The following FGGY variants were observed in gnomAD, a reference collection of about 807,000 sequenced individuals.
The protein encoded by FGGY is FGGY carbohydrate kinase domain-containing protein.
Under a neutral mutation model 71.3 loss-of-function variants are expected in FGGY, and 72 were observed. The ratio of observed to expected loss-of-function variants is 1.01; its 90% CI spans 0.84 to 1.23. The LOEUF is 1.23. Among genes scored for constraint, FGGY ranks in the 50% most tolerant of loss-of-function variants. FGGY has a pLI of 0.00. For missense variants in FGGY, 668 were observed against 682.3 expected (o/e 0.98, Z 0.23); for synonymous variants, 251 against 250.3 (o/e 1.00, Z -0.02).
At chr1:59,756,933 C>G (rs1414011721) in intron 14 of FGGY, among the ~76,000 whole-genome samples, 2 of 145,138 alleles carry the variant, frequency 1.4e-5, no homozygotes, top group Admixed American at 1.4e-4. Flanking sequence ...TCCTCCCTTA[C>G]TAGTATGTGA....
intron 5 of FGGY, among the ~76,000 whole-genome samples, chr1:59,381,136 T>G (rs11585143): frequency 0.41 from 61,749 of 151,776 alleles, 12,617 homozygotes; most frequent in African/African-American, 0.44. Flanking sequence ...GCTCTGTTCT[T>G]TTCCATTGGT....
chr1:59,540,103 C>T (rs548594356), intron 7 of FGGY, among the ~76,000 whole-genome samples: 12 of 152,264 alleles, frequency 7.9e-5, no homozygotes, highest in South Asian at 2.1e-4. Context: ...TAAAATCAAA[C>T]GGTTTGATAA....
chr1:59,669,060 A>G (rs1422484196), intron 13 of FGGY, among the ~76,000 whole-genome samples: 1 of 151,914 alleles, frequency 6.6e-6, no homozygotes, highest in Non-Finnish European at 1.5e-5. Context: ...TATAGAAAGT[A>G]TTACCATTAA....
At chr1:59,498,652 C>G (rs1431344722) in intron 6 of FGGY, among the ~76,000 whole-genome samples, 1 of 152,158 alleles carries the variant, frequency 6.6e-6, no homozygotes, top group Non-Finnish European at 1.5e-5. Flanking sequence ...CTAACAAGTT[C>G]CCAAATGCTG....
At chr1:59,753,102 G>T (rs2098259950) in intron 14 of FGGY, among the ~76,000 whole-genome samples, 1 of 152,128 alleles carries the variant, frequency 6.6e-6, no homozygotes, top group African/African-American at 2.4e-5. Flanking sequence ...TGCAAATTAA[G>T]ATTGTCCGGC....
At position 59,726,758 on chromosome 1, in the gene FGGY, A is replaced by T. The variant is rs548674914; in HGVS notation, c.1513-31173A>T. Among the ~76,000 whole-genome samples the T allele has an allele frequency of 1.4e-4, 21 of 152,228 alleles. No homozygotes were observed. The South Asian group carries it at 3.7e-3, about 27-fold the overall frequency. On this transcript the variant is annotated intron_variant, in intron 14 of 15. Transcript: ENST00000303721. ...TTTTTATCTTGATTACCCTGGCTAA[A>T]GGTTTGTCAGTTTTATTGCTCTTTC...
At position 59,561,547 on chromosome 1, in the gene FGGY, C is replaced by T. The variant is rs542798266; in HGVS notation, c.903+7320C>T. 1.2e-4 allele frequency among the ~76,000 whole-genome samples: 18 copies of T among 152,250 alleles called. No individual in the cohort carries two copies. In the South Asian group the frequency reaches 3.7e-3, roughly 32 times the overall value. Reference sequence around the variant, plus strand: ...TATGTTTAATATCTCTGAACCCAGGCAGTAGCACCCTTTCCTCAATCCTCA... The same window carrying T: ...TATGTTTAATATCTCTGAACCCAGGTAGTAGCACCCTTTCCTCAATCCTCA... On this transcript the variant is annotated intron_variant, in intron 8 of 15. Coordinates refer to ENST00000303721, the MANE Select transcript of FGGY (RefSeq NM_018291.5).
At chr1:59,682,471 G>A (rs72919659) in intron 14 of FGGY, among the ~76,000 whole-genome samples, 1,566 of 152,322 alleles carry the variant, frequency 0.01, 20 homozygotes, top group African/African-American at 0.035. Flanking sequence ...TAGAGACATA[G>A]AGAAATCACA....
chr1:59,591,319 G>T (rs1404007465), intron 8 of FGGY, among the ~76,000 whole-genome samples: 1 of 152,194 alleles, frequency 6.6e-6, no homozygotes, highest in African/African-American at 2.4e-5. Flanking sequence ...AACATTCCAT[G>T]CTCATGGGTA....
intron 14 of FGGY, among the ~76,000 whole-genome samples, chr1:59,753,387 GACCCA>G (rs982886237): frequency 7.4e-5 from 11 of 148,840 alleles, no homozygotes; most frequent in Admixed American, 4.7e-4. Flanking sequence ...TTGTGTCAGG[GACCCA>G]TAATGAGCCC....
intron 5 of FGGY, among the ~76,000 whole-genome samples, chr1:59,383,995 G>T (rs1349336617): frequency 6.6e-6 from 1 of 152,134 alleles, no homozygotes; most frequent in African/African-American, 2.4e-5. Flanking sequence ...AATTGATTGA[G>T]ATTTGTCTCA....
chr1:59,669,924 C>T (rs1027123653), intron 13 of FGGY, among the ~76,000 whole-genome samples: 3 of 152,122 alleles, frequency 2.0e-5, no homozygotes, highest in Non-Finnish European at 2.9e-5. Flanking sequence ...AGAAGCACGG[C>T]GGGGAGTGCA....
At chr1:59,737,920 G>A (rs774308655) in intron 14 of FGGY, among the ~76,000 whole-genome samples, 4 of 152,186 alleles carry the variant, frequency 2.6e-5, no homozygotes, top group Non-Finnish European at 5.9e-5. Context: ...CATGTCGTGG[G>A]AGGGACCCAG....
intron 8 of FGGY, among the ~76,000 whole-genome samples, chr1:59,584,844 G>A (rs974914215): frequency 6.7e-6 from 1 of 149,982 alleles, no homozygotes; most frequent in African/African-American, 2.5e-5. Context: ...AAATCAATGT[G>A]CAAAAATCAC....
Position 59,512,441 on chromosome 1 carries a change from T to C in FGGY, c.799+2T>C. 1 of 1,612,882 alleles carries C rather than the reference T, an allele frequency of 6.2e-7. No homozygotes were observed. The highest frequency in any genetic ancestry group is 1.1e-5 in the South Asian group (1 of 90,878). On this transcript the variant is annotated splice_donor_variant, in intron 7 of 15. Transcript: ENST00000303721. LOFTEE classifies it high-confidence loss of function. ...TTGATGCCCATGCAGGAGGACTAGGTAATCTCTTATTTGTTGCCTACAGCC... is the reference window on the plus strand; with the variant it reads ...TTGATGCCCATGCAGGAGGACTAGGCAATCTCTTATTTGTTGCCTACAGCC...
intron 8 of FGGY, 76 bp downstream of exon 8, chr1:59,554,303 T>C (rs1481919803): frequency 1.8e-6 from 2 of 1,112,320 alleles, no homozygotes; most frequent in African/African-American, 3.1e-5. Flanking sequence ...AGTGCTGGCT[T>C]CTTCACCCTT....
chr1:59,718,077 T>G (rs1322062817), intron 14 of FGGY, among the ~76,000 whole-genome samples: 2 of 152,202 alleles, frequency 1.3e-5, no homozygotes, highest in South Asian at 4.1e-4. Flanking sequence ...TCACATTACC[T>G]CTCAGGAGAA....
intron 5 of FGGY, among the ~76,000 whole-genome samples, chr1:59,450,770 A>G (rs2072518101): frequency 6.6e-6 from 1 of 151,996 alleles, no homozygotes; most frequent in African/African-American, 2.4e-5. Context: ...TGGATTGAGC[A>G]TTTTGTCATT....
At chr1:59,639,884 A>T (rs2153892755) in intron 11 of FGGY, among the ~76,000 whole-genome samples, 1 of 152,298 alleles carries the variant, frequency 6.6e-6, no homozygotes, top group Non-Finnish European at 1.5e-5. Flanking sequence ...TCCATTTTTT[A>T]AAACCAATCC....
Sources: gnomAD v4.1 joint callset for allele counts (sites outside exome capture counted in the v4.1 genomes callset) on GRCh38, gnomAD v4.1.1 for gene constraint, MANE v1.5 for transcripts, NCBI Gene and HGNC (gene_info 2026-07-23, HGNC 2026-07-21) for gene names.